Variants in PPM1E observed in about 807,000 individuals in gnomAD.
The protein encoded by PPM1E is protein phosphatase, Mg2+/Mn2+ dependent 1E, also known as protein phosphatase 1E.
PPM1E carries 20 observed loss-of-function variants against 65.9 expected under a neutral mutation model. That is an observed-to-expected ratio of 0.30 (90% confidence interval 0.21 to 0.44). PPM1E has a LOEUF of 0.44. PPM1E is among the 20% of genes least tolerant of loss of function. PPM1E has a pLI of 1.00. For synonymous variants in PPM1E, 352 were observed against 374.9 expected, an observed-to-expected ratio of 0.94 and a Z score of 0.70; for missense variants, 713 against 953.1, an observed-to-expected ratio of 0.75 and a Z score of 3.32.
In PPM1E at chr17:58,913,586, C is replaced by A. The variant is rs564240849; in HGVS notation, c.465-42063C>A. ...ACAGGAGTTTATTACTCAAGTCACT[C>A]CCCCTGAAAAATTCAGAGATTAGGG... On this transcript the variant is annotated intron_variant, in intron 1 of 6. Coordinates refer to ENST00000308249, the MANE Select transcript of PPM1E (RefSeq NM_014906.5). Among the ~76,000 whole-genome samples the A allele has an allele frequency of 3.9e-5, 6 of 152,138 alleles. No individual in the cohort carries two copies. In the East Asian group the frequency reaches 1.2e-3, roughly 29 times the overall value.
At position 58,865,471 on chromosome 17, in the gene PPM1E, A is replaced by G. The variant is rs1042453847; in HGVS notation, c.465-90178A>G. 6.6e-5 allele frequency among the ~76,000 whole-genome samples: 10 copies of G among 152,308 alleles called. No homozygotes were observed. In the South Asian group the frequency reaches 1.9e-3, roughly 28 times the overall value. The stretch of plus-strand genomic sequence containing the variant: ...CTGTAATCCCAGCACTTGGGGAGGC[A>G]GAGGTGAGGCGGGAAGATCATTTGA... On this transcript the variant is annotated intron_variant, in intron 1 of 6. Coordinates refer to ENST00000308249, the MANE Select transcript of PPM1E (RefSeq NM_014906.5).
At chr17:58,934,601 G>C (rs2051951168) in intron 1 of PPM1E, among the ~76,000 whole-genome samples, 1 of 152,170 alleles carries the variant, frequency 6.6e-6, no homozygotes. Flanking sequence ...CAGTCTAGTG[G>C]AGGAGCAATG....
chr17:58,905,027 AAAAC>A (rs202182863), intron 1 of PPM1E, among the ~76,000 whole-genome samples: 2,185 of 152,018 alleles, frequency 0.014, 26 homozygotes, highest in Middle Eastern at 0.058. Flanking sequence ...TCCATCTCAA[AAAAC>A]AAACAAACAA....
chr17:58,921,574 G>A (rs968497981), intron 1 of PPM1E, among the ~76,000 whole-genome samples: 7 of 151,852 alleles, frequency 4.6e-5, no homozygotes, highest in African/African-American at 1.5e-4. Flanking sequence ...TGAGGTAGGA[G>A]GATCGCTTGA....
At chr17:58,842,632 T>A (rs2050731145) in intron 1 of PPM1E, among the ~76,000 whole-genome samples, 1 of 151,356 alleles carries the variant, frequency 6.6e-6, no homozygotes, top group African/African-American at 2.4e-5. Context: ...TGGTGAAACC[T>A]TGTCTCTACT....
chr17:58,979,361 G>A (rs1423273866), intron 6 of PPM1E, among the ~76,000 whole-genome samples: 2 of 152,198 alleles, frequency 1.3e-5, no homozygotes, highest in Non-Finnish European at 2.9e-5. Context: ...GCTCCCATGT[G>A]TGAGGCCTTG....
intron 4 of PPM1E, among the ~76,000 whole-genome samples, 160 bp from the exon 5 acceptor site, chr17:58,971,972 T>C (rs1471260734): frequency 6.6e-6 from 1 of 152,240 alleles, no homozygotes; most frequent in Non-Finnish European, 1.5e-5. Context: ...CATACATGCA[T>C]ATACAAATGC....
At chr17:58,795,208 G>A (rs899156667) in intron 1 of PPM1E, among the ~76,000 whole-genome samples, 1 of 152,206 alleles carries the variant, frequency 6.6e-6, no homozygotes, top group East Asian at 1.9e-4. Context: ...TGTCTTTATG[G>A]TAGAATGTTT....
intron 1 of PPM1E, among the ~76,000 whole-genome samples, chr17:58,951,025 G>A (rs188181499): frequency 3.5e-4 from 53 of 152,174 alleles, no homozygotes; most frequent in African/African-American, 1.2e-3. Flanking sequence ...TGATCTGCCC[G>A]CCTCGGCCTC....
chr17:58,965,649 GT>G (rs1457221244), intron 2 of PPM1E, 44 bp from the exon 3 acceptor site: 2 of 1,586,438 alleles, frequency 1.3e-6, no homozygotes, highest in Non-Finnish European at 1.7e-6. Flanking sequence ...GTGAAAAGCA[GT>G]TTTACAAGGC....
intron 1 of PPM1E, among the ~76,000 whole-genome samples, chr17:58,953,626 G>T (rs1295687431): frequency 1.3e-5 from 2 of 152,000 alleles, no homozygotes; most frequent in Admixed American, 1.3e-4. Flanking sequence ...TTCCATTTCC[G>T]TAGCTTTAAA....
chr17:58,965,049 T>TA lies in PPM1E; in HGVS notation c.584-631dup, dbSNP rs57005125. Among the ~76,000 whole-genome samples the TA allele has an allele frequency of 6.1e-3, 858 of 141,098 alleles. 11 individuals carry two copies. The highest frequency in any genetic ancestry group is 0.021 in the African/African-American group (803 of 37,806). 92.6% of individuals were successfully genotyped at this position (141,098 alleles called of 152,430 possible). Reference sequence around the variant, plus strand: ...AACAAAAGCGAAACTCCGTCTTAATTAAAAAAAAAAAAAAGTATATATATA... The same window carrying TA: ...AACAAAAGCGAAACTCCGTCTTAATTAAAAAAAAAAAAAAAGTATATATATA... On this transcript the variant is annotated intron_variant, in intron 2 of 6. Transcript: ENST00000308249.
At chr17:58,820,708 G>T (rs955102176) in intron 1 of PPM1E, among the ~76,000 whole-genome samples, 2 of 152,126 alleles carry the variant, frequency 1.3e-5, no homozygotes, top group African/African-American at 4.8e-5. Flanking sequence ...TCCAAATGGT[G>T]CTAGAAGCTC....
At chr17:58,905,394 A>C (rs1271109170) in intron 1 of PPM1E, among the ~76,000 whole-genome samples, 1 of 152,190 alleles carries the variant, frequency 6.6e-6, no homozygotes, top group Non-Finnish European at 1.5e-5. Context: ...ATTTCTGGTT[A>C]ACTGAGAGTT....
rs575133477 is a variant in PPM1E at position 58,944,565 on chromosome 17, TTA to T, written c.465-11082_465-11081del. ...TTCCTATTCTGGGCTTTTCATATAA[TTA>T]TTATTATAGAATTATAAATTCTACA... On this transcript the variant is annotated intron_variant, in intron 1 of 6. Transcript: ENST00000308249. Among the ~76,000 whole-genome samples, 1,299 of 152,268 alleles carry T rather than the reference TTA, an allele frequency of 8.5e-3. 17 individuals carry two copies. The highest frequency in any genetic ancestry group is 0.029 in the African/African-American group (1,211 of 41,546).
chr17:58,765,572 G>T (rs1456181972), intron 1 of PPM1E, among the ~76,000 whole-genome samples: 1 of 152,026 alleles, frequency 6.6e-6, no homozygotes, highest in African/African-American at 2.4e-5. Context: ...GAAGAGTAAT[G>T]AACTGTTTAA....
rs1011685918 is a variant in PPM1E, at chr17:58,979,921, G to A, written c.1211-53G>A. 2.8e-6 allele frequency: 4 copies of A among 1,428,612 alleles called. No homozygotes were observed. In the African/African-American group the frequency reaches 5.7e-5, roughly 20 times the overall value. 88.5% of individuals were successfully genotyped at this position (1,428,612 alleles called of 1,614,324 possible). A position where few individuals can be genotyped will look rare whatever the true frequency, so the allele number is the denominator to read the frequency against. ...ATGGCATTGGTCATAAACGTTCTTA[G>A]CATGCAAGGTAAAACAAATGCTAAT... is the stretch of plus-strand genomic sequence containing the variant. On this transcript the variant is annotated intron_variant, in intron 6 of 6. Coordinates refer to ENST00000308249, the MANE Select transcript of PPM1E (RefSeq NM_014906.5).
chr17:58,763,999 A>G (rs902962299), intron 1 of PPM1E, among the ~76,000 whole-genome samples: 2 of 152,102 alleles, frequency 1.3e-5, no homozygotes, highest in African/African-American at 4.8e-5. Flanking sequence ...TTTTCTATTA[A>G]CCACCTTTTT....
At position 58,756,102 on chromosome 17, in the gene PPM1E, C is replaced by G. The variant is rs1458561648; in HGVS notation, c.105C>G (p.Pro35=). The G allele has an allele frequency of 6.3e-7, 1 of 1,593,776 alleles. No individual in the cohort carries two copies. Among genetic ancestry groups the G allele is most frequent in the East Asian group, 2.2e-5 (1 of 44,464 alleles). The change falls in exon 1 of 7, where the codon CCC becomes CCG. Residue 35 remains proline (P), a synonymous_variant. Transcript: ENST00000308249. ...PCGGGEPEPE[P]EPEPEPEPES... ...GCGGCGGCGAGCCGGAGCCGGAACC[C>G]GAACCCGAACCCGAACCCGAACCCG...
Sources: allele counts gnomAD v4.1 joint callset (sites outside exome capture counted in the v4.1 genomes callset), GRCh38; gene constraint gnomAD v4.1.1; transcripts MANE v1.5; gene names NCBI Gene and HGNC (gene_info 2026-07-23, HGNC 2026-07-21).